The following THRB variants were observed in gnomAD, a reference collection of about 807,000 sequenced individuals.
The protein encoded by THRB is thyroid hormone receptor beta, also known as nuclear receptor subfamily 1 group A member 2.
In THRB, 12 loss-of-function variants were observed where a neutral mutation model predicts 47.8. That is an observed-to-expected ratio of 0.25 (90% CI 0.16 to 0.41). The LOEUF is 0.41. Among genes scored for constraint, THRB ranks in the 10% least tolerant of loss-of-function variants. The probability of loss-of-function intolerance (pLI) is 1.00; values close to 1 mark genes in which losing one functional copy is unlikely to be tolerated. For synonymous variants in THRB, 218 were observed against 212.2 expected, an observed-to-expected ratio of 1.03 and a Z score of -0.24; for missense variants, 348 against 589.2, an observed-to-expected ratio of 0.59 and a Z score of 4.24.
At chr3:24,396,053 G>A (rs949739017) in intron 1 of THRB, among the ~76,000 whole-genome samples, 7 of 152,064 alleles carry the variant, frequency 4.6e-5, no homozygotes, top group African/African-American at 1.7e-4. Flanking sequence ...AAAATTGATT[G>A]TGGTGATGGT....
intron 1 of THRB, among the ~76,000 whole-genome samples, chr3:24,383,622 T>C (rs2065869564): frequency 6.6e-6 from 1 of 152,186 alleles, no homozygotes; most frequent in Non-Finnish European, 1.5e-5. Flanking sequence ...ACTATAATCA[T>C]GTCTCTGAGG....
At position 24,227,922 on chromosome 3, in the gene THRB, G is replaced by A. The variant is rs374109922; in HGVS notation, c.22+1016C>T. ...GAGGTCATAAACTCACAGCTCATGGGTTGATTCTAGTTAGCAGACATATTT... is the reference window on the plus strand; with the variant it reads ...GAGGTCATAAACTCACAGCTCATGGATTGATTCTAGTTAGCAGACATATTT... On this transcript the variant is annotated intron_variant, in intron 4 of 10. Transcript: ENST00000646209. 4.6e-5 allele frequency among the ~76,000 whole-genome samples: 7 copies of A among 152,250 alleles called. No homozygotes were observed. The East Asian group carries it at 1.2e-3, about 25-fold the overall frequency.
chr3:24,333,991 C>A (rs1037659733), intron 2 of THRB, among the ~76,000 whole-genome samples: 58 of 152,194 alleles, frequency 3.8e-4, no homozygotes, highest in African/African-American at 1.4e-3. Context: ...TCATCAGGCT[C>A]TAAAACGCAG....
At chr3:24,242,094 C>A (rs2049581665) in intron 3 of THRB, among the ~76,000 whole-genome samples, 1 of 152,204 alleles carries the variant, frequency 6.6e-6, no homozygotes, top group Non-Finnish European at 1.5e-5. Flanking sequence ...GGCGTGCCAC[C>A]TCTGAGAGGT....
intron 1 of THRB, among the ~76,000 whole-genome samples, chr3:24,449,642 G>T (rs1397293246): frequency 6.6e-6 from 1 of 152,116 alleles, no homozygotes; most frequent in Non-Finnish European, 1.5e-5. Flanking sequence ...ATGGTTTAGG[G>T]ATATGAGGGA....
intron 5 of THRB, among the ~76,000 whole-genome samples, chr3:24,161,619 C>CACACAT: frequency 7.6e-6 from 1 of 131,548 alleles, no homozygotes; most frequent in Non-Finnish European, 1.5e-5. Flanking sequence ...AGCTACAGAA[C>CACACAT]ACACACACAC....
intron 4 of THRB, among the ~76,000 whole-genome samples, chr3:24,192,740 G>A (rs2043499181): frequency 6.6e-6 from 1 of 152,152 alleles, no homozygotes; most frequent in Non-Finnish European, 1.5e-5. Context: ...CACTTGGGGT[G>A]AGGTAAGGGA....
At chr3:24,215,517 T>A (rs2046467497) in intron 4 of THRB, among the ~76,000 whole-genome samples, 1 of 152,194 alleles carries the variant, frequency 6.6e-6, no homozygotes, top group Admixed American at 6.5e-5. Context: ...TGGTAAAACC[T>A]GGAATAGGGT....
chr3:24,154,832 T>C (rs1343071914), intron 5 of THRB, among the ~76,000 whole-genome samples: 1 of 152,172 alleles, frequency 6.6e-6, no homozygotes, highest in African/African-American at 2.4e-5. Flanking sequence ...ATGAAGACTT[T>C]CAAGTTCTTA....
chr3:24,485,916 T>C (rs994130949), intron 1 of THRB, among the ~76,000 whole-genome samples: 8 of 152,188 alleles, frequency 5.3e-5, no homozygotes, highest in African/African-American at 1.4e-4. Context: ...ACTCAAGCAC[T>C]ATATTATTTC....
chr3:24,150,224 T>C (rs1404512481), intron 6 of THRB, among the ~76,000 whole-genome samples: 31 of 152,184 alleles, frequency 2.0e-4, no homozygotes, highest in Admixed American at 1.8e-3. Flanking sequence ...ATTCTCTCCA[T>C]ACACATTGCA....
At chr3:24,198,842 T>G (rs186768057) in intron 4 of THRB, among the ~76,000 whole-genome samples, 1 of 152,220 alleles carries the variant, frequency 6.6e-6, no homozygotes, top group Non-Finnish European at 1.5e-5. Context: ...ATTCTGGTCA[T>G]TGTTAGACTC....
intron 1 of THRB, among the ~76,000 whole-genome samples, chr3:24,455,832 T>A (rs147109904): frequency 6.6e-6 from 1 of 152,182 alleles, no homozygotes; most frequent in Non-Finnish European, 1.5e-5. Flanking sequence ...AAGAAATGCA[T>A]GTGTCCATGC....
chr3:24,208,016 A>G (rs1323568427), intron 4 of THRB, among the ~76,000 whole-genome samples: 1 of 152,210 alleles, frequency 6.6e-6, no homozygotes, highest in African/African-American at 2.4e-5. Flanking sequence ...CACAAAATCA[A>G]TGTGCAAAAA....
At chr3:24,335,199 T>C (rs2149407677) in intron 2 of THRB, among the ~76,000 whole-genome samples, 1 of 152,318 alleles carries the variant, frequency 6.6e-6, no homozygotes, top group South Asian at 2.1e-4. Context: ...GGGCAATGAT[T>C]CTTGGCCTCT....
intron 3 of THRB, among the ~76,000 whole-genome samples, chr3:24,275,807 T>TACATGAAAGAC (rs1243332503): frequency 1.3e-5 from 2 of 152,160 alleles, no homozygotes; most frequent in South Asian, 2.1e-4. Flanking sequence ...CTTAAAACGC[T>TACATGAAAGAC]ACATGAAAGA....
intron 1 of THRB, among the ~76,000 whole-genome samples, chr3:24,463,271 T>C (rs2073852869): frequency 6.6e-6 from 1 of 152,204 alleles, no homozygotes; most frequent in Non-Finnish European, 1.5e-5. Flanking sequence ...TAACAATCTT[T>C]TTATTTTGAG....
chr3:24,435,322 G>A (rs2070830083), intron 1 of THRB, among the ~76,000 whole-genome samples: 1 of 152,156 alleles, frequency 6.6e-6, no homozygotes, highest in Non-Finnish European at 1.5e-5. Flanking sequence ...AGTAAGGCAA[G>A]GAAGCAGACA....
At chr3:24,407,653 T>C (rs1560116826) in intron 1 of THRB, among the ~76,000 whole-genome samples, 1 of 151,888 alleles carries the variant, frequency 6.6e-6, no homozygotes. Flanking sequence ...ACTGGGTCAT[T>C]GAGAACTGTT....
Sources: allele counts gnomAD v4.1 joint callset (sites outside exome capture counted in the v4.1 genomes callset), GRCh38; gene constraint gnomAD v4.1.1; transcripts MANE v1.5; gene names NCBI Gene and HGNC (gene_info 2026-07-23, HGNC 2026-07-21).